DOCK4: variants seen among roughly 807,000 people sequenced by gnomAD.
DOCK4 encodes dedicator of cytokinesis protein 4.
DOCK4 carries 97 observed loss-of-function variants against 268.1 expected under a neutral mutation model. The ratio of observed to expected loss-of-function variants is 0.36; its 90% CI spans 0.31 to 0.43. The LOEUF (loss-of-function observed/expected upper bound fraction) is 0.43, where lower values mean the gene tolerates loss of function less well. Among genes scored for constraint, DOCK4 ranks in the 20% least tolerant of loss-of-function variants. The probability of loss-of-function intolerance (pLI) is 1.00; values close to 1 mark genes in which losing one functional copy is unlikely to be tolerated. For missense variants in DOCK4, 2,145 were observed against 2,455.7 expected (o/e 0.87, Z 2.67); for synonymous variants, 954 against 887.2 (o/e 1.08, Z -1.34).
intron 52 of DOCK4, among the ~76,000 whole-genome samples, chr7:111,731,350 T>C (rs896057630): frequency 1.3e-5 from 2 of 152,300 alleles, no homozygotes; most frequent in African/African-American, 2.4e-5. Context: ...TATGTGTTTG[T>C]AGAGGCTAAT....
rs577821105 is a variant in DOCK4 at position 111,916,657 on chromosome 7, C to T, written c.1067-753G>A. 3.3e-5 allele frequency among the ~76,000 whole-genome samples: 5 copies of T among 152,198 alleles called. No homozygotes were observed. The South Asian group carries it at 1.0e-3, about 32-fold the overall frequency. On this transcript the variant is annotated intron_variant, in intron 12 of 52. Coordinates refer to ENST00000428084, the MANE Select transcript of DOCK4 (RefSeq NM_001363540.2). ...TTATCATATATTATTTTCTCAATTT[C>T]CAGGCAAGAAGTACAGAAAACTTTA... is the stretch of plus-strand genomic sequence containing the variant.
intron 37 of DOCK4, among the ~76,000 whole-genome samples, chr7:111,768,909 G>A (rs1797940032): frequency 6.6e-6 from 1 of 152,116 alleles, no homozygotes; most frequent in Non-Finnish European, 1.5e-5. Context: ...AACCCCCAGG[G>A]TAATGGTATT....
intron 8 of DOCK4, 52 bp from the exon 9 acceptor site, chr7:111,945,850 T>C: frequency 7.2e-7 from 1 of 1,391,040 alleles, no homozygotes; most frequent in Non-Finnish European, 1.0e-6. Flanking sequence ...TAGTTAAAGA[T>C]TTATCCCTCT....
intron 13 of DOCK4, among the ~76,000 whole-genome samples, chr7:111,909,269 A>G (rs2040624): frequency 0.069 from 10,482 of 152,216 alleles, 1,227 homozygotes; most frequent in African/African-American, 0.24. Flanking sequence ...GACCAGTGAC[A>G]ATGAACTTTT....
At chr7:111,871,897 C>T (rs757423501) in intron 20 of DOCK4, 93 bp downstream of exon 20, 5 of 984,794 alleles carry the variant, frequency 5.1e-6, no homozygotes, top group Non-Finnish European at 7.4e-6. Flanking sequence ...TTTCTTCCTA[C>T]ACTCCCTTTT....
At chr7:111,922,096 A>G (rs1793185657) in intron 12 of DOCK4, among the ~76,000 whole-genome samples, 1 of 152,248 alleles carries the variant, frequency 6.6e-6, no homozygotes, top group Non-Finnish European at 1.5e-5. Flanking sequence ...TCCTAATGAC[A>G]TGGAGATTAC....
chr7:111,947,816 C>G (rs185449623), intron 8 of DOCK4, among the ~76,000 whole-genome samples: 316 of 152,174 alleles, frequency 2.1e-3, no homozygotes, highest in African/African-American at 7.5e-3. Flanking sequence ...CTCTGCCTCC[C>G]GGGTTCAAGC....
At chr7:112,107,039 T>C (rs568847882) in intron 1 of DOCK4, among the ~76,000 whole-genome samples, 64 of 152,372 alleles carry the variant, frequency 4.2e-4, no homozygotes, top group African/African-American at 1.4e-3. Context: ...TTTTGAAGTG[T>C]TGATTTAATC....
At chr7:112,036,925 T>A (rs1466553656) in intron 1 of DOCK4, among the ~76,000 whole-genome samples, 3 of 152,172 alleles carry the variant, frequency 2.0e-5, no homozygotes, top group Non-Finnish European at 4.4e-5. Context: ...CCTCCCATAG[T>A]GCTGGGATTA....
chr7:112,153,100 C>T lies in DOCK4; in HGVS notation c.37+53002G>A, dbSNP rs571896377. ...AGTCTTATATCTCAATATTATTTTA[C>T]AATAAATTATATTTACCTTTGCAGA... On this transcript the variant is annotated intron_variant, in intron 1 of 52. Transcript: ENST00000428084. 9.2e-5 allele frequency among the ~76,000 whole-genome samples: 14 copies of T among 152,220 alleles called. No individual in the cohort carries two copies. The South Asian group carries it at 2.9e-3, about 32-fold the overall frequency.
At chr7:111,983,854 G>GCACACACACA (rs57739762) in intron 7 of DOCK4, among the ~76,000 whole-genome samples, 2 of 88,036 alleles carry the variant, frequency 2.3e-5, no homozygotes, top group African/African-American at 3.9e-5. Flanking sequence ...ACGCGCGCGC[G>GCACACACACA]CGCGCGCGCA....
At chr7:111,845,081 A>C (rs573646785) in intron 24 of DOCK4, among the ~76,000 whole-genome samples, 184 bp from the exon 25 acceptor site, 1 of 152,318 alleles carries the variant, frequency 6.6e-6, no homozygotes, top group East Asian at 1.9e-4. Context: ...TACACAACTC[A>C]GTGGTGCAAT....
chr7:111,852,842 T>C (rs946138992), intron 23 of DOCK4, among the ~76,000 whole-genome samples: 6 of 152,190 alleles, frequency 3.9e-5, no homozygotes, highest in Admixed American at 6.5e-5. Context: ...TGCTAATTCT[T>C]ACCTTTAAAA....
intron 26 of DOCK4, 84 bp from the exon 27 acceptor site, chr7:111,822,540 T>C (rs865806392): frequency 1.7e-5 from 20 of 1,169,086 alleles, no homozygotes; most frequent in Non-Finnish European, 2.1e-5. Context: ...AGTACTGTTG[T>C]ACTGTTACCA....
chr7:112,006,520 G>A (rs1800877485), intron 1 of DOCK4, among the ~76,000 whole-genome samples: 1 of 152,120 alleles, frequency 6.6e-6, no homozygotes, highest in Admixed American at 6.5e-5. Context: ...GGTCTATGTG[G>A]GTGAATTCTG....
intron 23 of DOCK4, among the ~76,000 whole-genome samples, chr7:111,859,029 C>A (rs896602310): frequency 1.2e-4 from 19 of 152,082 alleles, no homozygotes. Flanking sequence ...TTGCTCCCCC[C>A]TTTTTTTGAG....
intron 1 of DOCK4, among the ~76,000 whole-genome samples, chr7:112,089,800 T>A (rs1283675668): frequency 2.6e-5 from 4 of 152,140 alleles, no homozygotes; most frequent in Admixed American, 6.5e-5. Context: ...ATGATGAAAG[T>A]TTCCTGAGGA....
chr7:112,078,435 A>G lies in DOCK4; in HGVS notation c.38-74304T>C, dbSNP rs181061073. ...TCTTGATTACCAAGAACAAGGTATTATAAGTCTTATTATTTTGGAAACAAA... is the reference window on the plus strand; with the variant it reads ...TCTTGATTACCAAGAACAAGGTATTGTAAGTCTTATTATTTTGGAAACAAA... On this transcript the variant is annotated intron_variant, in intron 1 of 52. Coordinates refer to ENST00000428084, the MANE Select transcript of DOCK4 (RefSeq NM_001363540.2). Among the ~76,000 whole-genome samples the G allele has an allele frequency of 1.4e-4, 21 of 152,332 alleles. No homozygotes were observed. In the East Asian group the frequency reaches 3.9e-3, roughly 28 times the overall value.
chr7:112,057,553 A>AACAT (rs1805936812), intron 1 of DOCK4, among the ~76,000 whole-genome samples: 1 of 149,196 alleles, frequency 6.7e-6, no homozygotes, highest in South Asian at 2.1e-4. Flanking sequence ...CCTGTCCCAA[A>AACAT]AAATAAAAAA....
Sources: allele counts gnomAD v4.1 joint callset (sites outside exome capture counted in the v4.1 genomes callset), GRCh38; gene constraint gnomAD v4.1.1; transcripts MANE v1.5; gene names NCBI Gene and HGNC (gene_info 2026-07-23, HGNC 2026-07-21).